LYG2: variants seen among roughly 807,000 people sequenced by gnomAD.
LYG2 encodes lysozyme g2, also known as lysozyme g-like protein 2.
LYG2 carries 25 observed loss-of-function variants against 22.4 expected under a neutral mutation model. The observed-to-expected ratio is 1.12, with a 90% CI of 0.81 to 1.56. LYG2 has a LOEUF of 1.56. Ranked by LOEUF, LYG2 falls within the 40% of genes most tolerant of loss-of-function variation. The probability of loss-of-function intolerance (pLI) is 0.00; values close to 1 mark genes in which losing one functional copy is unlikely to be tolerated. For missense variants in LYG2, 266 were observed against 269.5 expected (o/e 0.99, Z 0.09); for synonymous variants, 88 against 97.0 (o/e 0.91, Z 0.55).
chr2:99,259,368 G>A (rs2105278164), upstream of LYG2, among the ~76,000 whole-genome samples: 1 of 152,140 alleles, frequency 6.6e-6, no homozygotes, highest in South Asian at 2.1e-4. Context: ...ACAGAAGAAT[G>A]GACTAACAGT....
chr2:99,255,435 A>T (rs75890950), intron 1 of LYG2, among the ~76,000 whole-genome samples, 168 bp downstream of exon 1: 4,745 of 152,314 alleles, frequency 0.031, 250 homozygotes, highest in East Asian at 0.15. Flanking sequence ...TTAATTAATT[A>T]ACCTAATGAA....
At chr2:99,246,614 T>C in intron 4 of LYG2, 66 bp downstream of exon 4, 1 of 1,557,550 alleles carries the variant, frequency 6.4e-7, no homozygotes, top group Non-Finnish European at 8.7e-7. Flanking sequence ...ATTAAGTGAC[T>C]TCCTAAGAAA....
At position 99,245,354 on chromosome 2, in the gene LYG2, C is replaced by T. The variant is rs2094013992; in HGVS notation, c.289G>A (p.Val97Ile). ...VGQRHCVDPAVIAAIISRESH... is the reference protein window; with the variant it reads ...VGQRHCVDPAIIAAIISRESH... ...TCCCTGGAGATGATGGCTGCGATGA[C>T]AGCAGGGTCCACGCAATGTCTCTGC... is the stretch of plus-strand genomic sequence containing the variant. Residue 97 changes from valine to isoleucine, a missense_variant, in exon 5 of 7, where the codon GTC (valine) becomes ATC (isoleucine). Val to Ile is a conservative substitution (Grantham distance 29, BLOSUM62 3). Transcript: ENST00000333017. The T allele has an allele frequency of 2.5e-6, 4 of 1,613,406 alleles. No homozygotes were observed. The highest frequency in any genetic ancestry group is 1.1e-5 in the South Asian group (1 of 90,928).
intron 6 of LYG2, chr2:99,243,265 G>A (rs750794853): frequency 7.8e-6 from 5 of 645,102 alleles, no homozygotes; most frequent in Non-Finnish European, 1.3e-5. Context: ...TCCAAGACAT[G>A]TAAAATGCAG....
intron 6 of LYG2, among the ~76,000 whole-genome samples, chr2:99,243,044 C>T (rs2094009125): frequency 6.6e-6 from 1 of 152,158 alleles, no homozygotes; most frequent in African/African-American, 2.4e-5. Context: ...GAGGAAGATG[C>T]CTGGTCCTGA....
Position 99,254,249 on chromosome 2 carries a change from G to C in LYG2, c.12C>G (p.Ser4=), listed in dbSNP as rs746920594. The change falls in exon 3 of 7, where the codon TCC becomes TCG. Residue 4 remains serine, a synonymous_variant. Transcript: ENST00000333017. MLS[S]VVFWGLIALI... ...GGGCAATTAGTCCCCAAAACACCAC[G>C]GAGGATAACATGGCGGGGAATCTTA... The C allele has an allele frequency of 6.2e-7, 1 of 1,613,952 alleles. No homozygotes were observed. Among genetic ancestry groups the C allele is most frequent in the East Asian group, 2.2e-5 (1 of 44,872 alleles).
chr2:99,254,723 G>A (rs1200145977), intron 2 of LYG2, among the ~76,000 whole-genome samples: 3 of 152,102 alleles, frequency 2.0e-5, no homozygotes, highest in African/African-American at 7.2e-5. Flanking sequence ...AGGCTGGAGT[G>A]CAGTGGCATA....
chr2:99,254,182 C>G, intron 3 of LYG2, 36 bp downstream of exon 3: 1 of 1,594,762 alleles, frequency 6.3e-7, no homozygotes. Flanking sequence ...TTGTGGACAC[C>G]CTGTGAACAA....
chr2:99,260,252 C>G (rs1289777794), upstream of LYG2, among the ~76,000 whole-genome samples: 1 of 152,092 alleles, frequency 6.6e-6, no homozygotes, highest in African/African-American at 2.4e-5. Flanking sequence ...CATGAGCCAC[C>G]GTGCCCGGCC....
chr2:99,245,204 G>T (rs1200041978), intron 5 of LYG2, 58 bp downstream of exon 5: 1 of 1,481,126 alleles, frequency 6.8e-7, no homozygotes, highest in East Asian at 2.5e-5. Context: ...TCTAGTTCAG[G>T]TTGAGCTTCT....
chr2:99,244,242 ATCCC>A (rs1169598222), intron 5 of LYG2, 105 bp from the exon 6 acceptor site: 1 of 1,100,214 alleles, frequency 9.1e-7, no homozygotes, highest in East Asian at 2.5e-5. Flanking sequence ...ACCGGCCTTT[ATCCC>A]CAAAGAGTCA....
intron 4 of LYG2, among the ~76,000 whole-genome samples, chr2:99,246,162 A>G (rs775950838): frequency 1.2e-4 from 18 of 152,196 alleles, no homozygotes; most frequent in Non-Finnish European, 2.4e-4. Context: ...TTGTACTAGG[A>G]GTTAGCCAAT....
intron 3 of LYG2, 111 bp downstream of exon 3, chr2:99,254,107 G>T (rs1220703511): frequency 1.5e-5 from 14 of 943,038 alleles, no homozygotes; most frequent in Non-Finnish European, 2.3e-5. Context: ...TGGTCAGAAT[G>T]AGAGCCCACT....
At chr2:99,258,310 C>T (rs1010629983), upstream of LYG2, among the ~76,000 whole-genome samples, 1 of 152,184 alleles carries the variant, frequency 6.6e-6, no homozygotes, top group African/African-American at 2.4e-5. Flanking sequence ...TATGTAAAAA[C>T]ATGTTATAAA....
At chr2:99,258,693 T>C (rs1293811745), upstream of LYG2, among the ~76,000 whole-genome samples, 1 of 152,224 alleles carries the variant, frequency 6.6e-6, no homozygotes, top group Non-Finnish European at 1.5e-5. Flanking sequence ...CAATGGCTGG[T>C]AAGAAGGCAG....
intron 3 of LYG2, among the ~76,000 whole-genome samples, chr2:99,251,115 G>A (rs938947537): frequency 6.6e-6 from 1 of 152,124 alleles, no homozygotes; most frequent in African/African-American, 2.4e-5. Context: ...GTAAGAGGAA[G>A]GTAAAGGGAA....
chr2:99,259,690 C>T (rs2094043656), upstream of LYG2, among the ~76,000 whole-genome samples: 1 of 152,154 alleles, frequency 6.6e-6, no homozygotes, highest in South Asian at 2.1e-4. Context: ...AACTATAGTA[C>T]ATGTCAAATC....
chr2:99,244,832 C>T (rs2094012765), intron 5 of LYG2, among the ~76,000 whole-genome samples: 3 of 151,944 alleles, frequency 2.0e-5, no homozygotes, highest in South Asian at 4.2e-4. Context: ...CTGGAGTGGC[C>T]GGGCACAGTG....
intron 4 of LYG2, 37 bp from the exon 5 acceptor site, chr2:99,245,495 G>C (rs778408528): frequency 2.2e-5 from 31 of 1,392,036 alleles, no homozygotes; most frequent in Non-Finnish European, 3.1e-5. Context: ...TTCCGGGCAT[G>C]GTAGTGTGTG....
Sources: allele counts gnomAD v4.1 joint callset (sites outside exome capture counted in the v4.1 genomes callset), GRCh38; gene constraint gnomAD v4.1.1; transcripts MANE v1.5; gene names NCBI Gene and HGNC (gene_info 2026-07-23, HGNC 2026-07-21).